The following LYPLAL1 variants were observed in gnomAD, a reference collection of about 807,000 sequenced individuals.
LYPLAL1 encodes the protein lysophospholipase like 1, also known as lysophospholipase-like protein 1.
In LYPLAL1, 23 loss-of-function variants were observed where a neutral mutation model predicts 19.7. The observed-to-expected ratio is 1.17, with a 90% CI of 0.84 to 1.65. LYPLAL1 has a LOEUF of 1.65. LYPLAL1 is among the 40% of genes most tolerant of loss of function. The pLI is 0.00. For missense variants in LYPLAL1, 355 were observed against 279.4 expected (o/e 1.27, Z -1.93); for synonymous variants, 119 against 96.3 (o/e 1.24, Z -1.38).
chr1:219,357,856 A>G, the LYPLAL1 span, among the ~76,000 whole-genome samples: 2 of 152,224 alleles, frequency 1.3e-5, no homozygotes, highest in Non-Finnish European at 1.5e-5. Context: ...TTCAGCAATA[A>G]AATAAGTTAG....
At chr1:219,425,996 A>T in the LYPLAL1 span, among the ~76,000 whole-genome samples, 2 of 152,224 alleles carry the variant, frequency 1.3e-5, no homozygotes, top group Non-Finnish European at 2.9e-5. Flanking sequence ...CCAACTAAAA[A>T]TTGTTTTCCT....
the LYPLAL1 span, among the ~76,000 whole-genome samples, chr1:219,385,641 G>C: frequency 6.6e-6 from 1 of 152,012 alleles, no homozygotes; most frequent in African/African-American, 2.4e-5. Context: ...CCCATATTCT[G>C]CATTAGTTTA....
At chr1:219,202,268 A>C (rs549429912) in intron 3 of LYPLAL1, among the ~76,000 whole-genome samples, 50 of 152,278 alleles carry the variant, frequency 3.3e-4, no homozygotes, top group African/African-American at 1.2e-3. Flanking sequence ...TGTAATGTTG[A>C]AAAAGTTTTC....
the LYPLAL1 span, among the ~76,000 whole-genome samples, chr1:219,361,254 C>T: frequency 2.0e-5 from 3 of 152,240 alleles, no homozygotes; most frequent in African/African-American, 4.8e-5. Flanking sequence ...GTTCTTTTAC[C>T]GAAGGACTGT....
chr1:219,247,819 T>C, the LYPLAL1 span, among the ~76,000 whole-genome samples: 1 of 152,172 alleles, frequency 6.6e-6, no homozygotes, highest in Non-Finnish European at 1.5e-5. Context: ...ACTTTTTTTT[T>C]ATTAAAGCCT....
chr1:219,428,304 A>T, the LYPLAL1 span, among the ~76,000 whole-genome samples: 15 of 152,218 alleles, frequency 9.9e-5, no homozygotes, highest in African/African-American at 3.4e-4. Context: ...CACAGATTCT[A>T]GTGGAACTCG....
the LYPLAL1 span, among the ~76,000 whole-genome samples, chr1:219,293,052 C>A: frequency 6.6e-6 from 1 of 152,166 alleles, no homozygotes; most frequent in Non-Finnish European, 1.5e-5. Context: ...ATAGTAGATT[C>A]AGTGGTAAGG....
At chr1:219,335,025 C>G in the LYPLAL1 span, among the ~76,000 whole-genome samples, 1 of 151,938 alleles carries the variant, frequency 6.6e-6, no homozygotes, top group Non-Finnish European at 1.5e-5. Flanking sequence ...CCACATCTAC[C>G]TTCTTTCCAA....
chr1:219,239,134 A>C, the LYPLAL1 span, among the ~76,000 whole-genome samples: 1 of 152,182 alleles, frequency 6.6e-6, no homozygotes, highest in Non-Finnish European at 1.5e-5. Flanking sequence ...AGATGATAAT[A>C]GCTAACATTC....
chr1:219,442,169 C>T, the LYPLAL1 span, among the ~76,000 whole-genome samples: 1 of 152,130 alleles, frequency 6.6e-6, no homozygotes, highest in Non-Finnish European at 1.5e-5. Context: ...ATCTTTCCTT[C>T]CTCCCTGTTT....
chr1:219,430,059 C>A, the LYPLAL1 span, among the ~76,000 whole-genome samples: 2 of 152,028 alleles, frequency 1.3e-5, no homozygotes, highest in East Asian at 3.9e-4. Flanking sequence ...TTCGGGAGGC[C>A]CAGGCAGGCA....
chr1:219,279,925 GA>G, the LYPLAL1 span, among the ~76,000 whole-genome samples: 14 of 150,448 alleles, frequency 9.3e-5, no homozygotes, highest in Admixed American at 2.0e-4. Flanking sequence ...CAGAAAAGGA[GA>G]AAAAAAAATG....
intron 2 of LYPLAL1, 178 bp downstream of exon 2, chr1:219,179,424 C>T (rs1656082737): frequency 1.8e-6 from 1 of 555,988 alleles, no homozygotes; most frequent in Admixed American, 3.8e-5. Context: ...CAAGTTTTGC[C>T]AGGTGAGTAA....
chr1:219,414,313 G>C, the LYPLAL1 span, among the ~76,000 whole-genome samples: 1 of 152,128 alleles, frequency 6.6e-6, no homozygotes, highest in Non-Finnish European at 1.5e-5. Flanking sequence ...TACTTGCACT[G>C]CTTGGTGACA....
chr1:219,309,056 C>G, the LYPLAL1 span, among the ~76,000 whole-genome samples: 2 of 152,206 alleles, frequency 1.3e-5, no homozygotes, highest in Non-Finnish European at 2.9e-5. Context: ...CATGGGAACC[C>G]ACCTCTTGCA....
the LYPLAL1 span, among the ~76,000 whole-genome samples, chr1:219,347,796 A>G: frequency 1.3e-5 from 2 of 152,080 alleles, no homozygotes; most frequent in South Asian, 2.1e-4. Flanking sequence ...AGACAGGTCA[A>G]TTGGGTGCAT....
the LYPLAL1 span, among the ~76,000 whole-genome samples, chr1:219,241,134 C>CTCTCTCTCTCTCTATATATA: frequency 9.9e-4 from 44 of 44,346 alleles, no homozygotes; most frequent in East Asian, 2.5e-3. Context: ...CTCTCTCTCT[C>CTCTCTCTCTCTCTATATATA]TATATATATA....
At chr1:219,207,411 A>G (rs868547832) in intron 3 of LYPLAL1, among the ~76,000 whole-genome samples, 1 of 152,052 alleles carries the variant, frequency 6.6e-6, no homozygotes, top group Non-Finnish European at 1.5e-5. Context: ...CAGATTAGGA[A>G]TGATGGGCTT....
At chr1:219,210,373 T>C (rs1165168979) in intron 3 of LYPLAL1, 159 bp from the exon 4 acceptor site, 1 of 478,840 alleles carries the variant, frequency 2.1e-6, no homozygotes, top group African/African-American at 2.0e-5. Context: ...ATTTATGTTA[T>C]CGCAGGCCTT....
Sources: allele counts gnomAD v4.1 joint callset (sites outside exome capture counted in the v4.1 genomes callset), GRCh38; gene constraint gnomAD v4.1.1; transcripts MANE v1.5; gene names NCBI Gene and HGNC (gene_info 2026-07-23, HGNC 2026-07-21).